The following EFHD1 variants were observed in gnomAD, a reference collection of about 807,000 sequenced individuals.
EFHD1 encodes EF-hand domain family member D1, also known as EF-hand domain-containing protein D1.
A neutral mutation model predicts 17.2 loss-of-function variants in EFHD1; 10 were observed. The ratio of observed to expected loss-of-function variants is 0.58; its 90% CI spans 0.36 to 0.99. The LOEUF is 0.99. Ranked by LOEUF, EFHD1 falls within the 50% of genes least tolerant of loss-of-function variation. The pLI is 0.01. For missense variants in EFHD1, 310 were observed against 327.5 expected (o/e 0.95, Z 0.41); for synonymous variants, 153 against 142.0 (o/e 1.08, Z -0.55).
intron 1 of EFHD1, chr2:232,661,554 C>G (rs1574726843): frequency 2.0e-5 from 3 of 148,540 alleles, no homozygotes. Context: ...ACGGCTATAC[C>G]CCCACCACCA....
intron 1 of EFHD1, among the ~76,000 whole-genome samples, chr2:232,659,566 T>A (rs1179923399): frequency 1.3e-5 from 2 of 152,162 alleles, no homozygotes; most frequent in African/African-American, 4.8e-5. Context: ...GAGCCTTAAC[T>A]ACTGCCAGTC....
At chr2:232,614,660 A>G (rs753782660) in intron 1 of EFHD1, among the ~76,000 whole-genome samples, 5 of 152,172 alleles carry the variant, frequency 3.3e-5, no homozygotes, top group Non-Finnish European at 7.3e-5. Flanking sequence ...GTGGTCTTTT[A>G]AAATGTTTTT....
At chr2:232,646,463 G>A (rs1297729697) in intron 1 of EFHD1, among the ~76,000 whole-genome samples, 1 of 8,462 alleles carries the variant, frequency 1.2e-4, no homozygotes, top group African/African-American at 3.2e-4. Context: ...TTTTTTTTTT[G>A]AGACAGTGTT....
intron 1 of EFHD1, among the ~76,000 whole-genome samples, chr2:232,610,257 G>A (rs1693788244): frequency 6.6e-6 from 1 of 152,214 alleles, no homozygotes; most frequent in Admixed American, 6.5e-5. Flanking sequence ...GGTTGGGTGT[G>A]GGAGTGCCCC....
chr2:232,672,235 A>G (rs1428382439), intron 2 of EFHD1, 74 bp from the exon 3 acceptor site: 3 of 1,597,788 alleles, frequency 1.9e-6, no homozygotes, highest in East Asian at 2.2e-5. Flanking sequence ...GAGTGACTTC[A>G]GCTTGGACCA....
chr2:232,619,439 C>T (rs1018936581), intron 1 of EFHD1, among the ~76,000 whole-genome samples: 3 of 150,978 alleles, frequency 2.0e-5, no homozygotes, highest in African/African-American at 7.3e-5. Flanking sequence ...GCCTCTGGAG[C>T]AGCTAGGATT....
intron 1 of EFHD1, among the ~76,000 whole-genome samples, chr2:232,607,333 C>T (rs1693736381): frequency 6.6e-6 from 1 of 151,554 alleles, no homozygotes; most frequent in South Asian, 2.1e-4. Context: ...GGCCTGTAAT[C>T]TCAGCACTTT....
chr2:232,662,814 G>A lies in EFHD1; in HGVS notation c.315G>A (p.Gly105=), dbSNP rs375872649. 6.3e-7 allele frequency: 1 copy of A among 1,580,648 alleles called. No individual in the cohort carries two copies. Among genetic ancestry groups the A allele is most frequent in the Non-Finnish European group, 8.6e-7 (1 of 1,166,020 alleles). ...LESMFKLYDA[G]RDGFIDLMEL... is the part of the protein sequence containing the mutation. ...TTTGACCCTGCAGGTATGACGCTGGGCGGGATGGCTTCATCGACCTGATGG... is the reference window on the plus strand; with the variant it reads ...TTTGACCCTGCAGGTATGACGCTGGACGGGATGGCTTCATCGACCTGATGG... Residue 105 remains glycine (G), a synonymous_variant, in exon 2 of 4, where the codon GGG becomes GGA. Transcript: ENST00000264059.
intron 1 of EFHD1, among the ~76,000 whole-genome samples, chr2:232,651,678 T>G (rs1035698161): frequency 6.6e-6 from 1 of 152,144 alleles, no homozygotes; most frequent in Non-Finnish European, 1.5e-5. Flanking sequence ...AAAAATTAGC[T>G]AGGCGTGGTG....
chr2:232,638,603 A>G (rs945901129), intron 1 of EFHD1: 1 of 370,556 alleles, frequency 2.7e-6, no homozygotes, highest in East Asian at 7.3e-5. Flanking sequence ...AAGGCTGGGA[A>G]TTTTCCAAAG....
At chr2:232,642,353 G>A (rs562674824) in intron 1 of EFHD1, among the ~76,000 whole-genome samples, 66 of 125,308 alleles carry the variant, frequency 5.3e-4, no homozygotes, top group African/African-American at 1.8e-3. Flanking sequence ...CAGCCTGGGC[G>A]ACAGAGTGAG....
intron 1 of EFHD1, among the ~76,000 whole-genome samples, chr2:232,644,279 T>G (rs1267617649): frequency 6.6e-6 from 1 of 152,022 alleles, no homozygotes; most frequent in Admixed American, 6.6e-5. Context: ...CCAAACCTCT[T>G]TTATTCTTTT....
rs151227117 is a variant in EFHD1 at position 232,678,614 on chromosome 2, G to A, written c.586-2971G>A. ...AGCCTGACCAACATGGAGAAACCTC[G>A]TCTCTACTAAAAAACAAAATTAGCT... On this transcript the variant is annotated intron_variant, in intron 3 of 3. Coordinates refer to ENST00000264059, the MANE Select transcript of EFHD1 (RefSeq NM_025202.4). Among the ~76,000 whole-genome samples, 186 of 151,928 alleles carry A rather than the reference G, an allele frequency of 1.2e-3. 1 individual carries two copies. The highest frequency in any genetic ancestry group is 4.3e-3 in the African/African-American group (178 of 41,440).
chr2:232,620,178 G>A (rs1574702285), intron 1 of EFHD1, among the ~76,000 whole-genome samples: 1 of 150,294 alleles, frequency 6.7e-6, no homozygotes, highest in East Asian at 2.0e-4. Context: ...CACGAGGTCA[G>A]GAGATCAAGA....
chr2:232,625,097 T>C (rs571873780), intron 1 of EFHD1, among the ~76,000 whole-genome samples: 177 of 152,258 alleles, frequency 1.2e-3, no homozygotes, highest in Non-Finnish European at 2.0e-3. Context: ...AAGGCAGGGA[T>C]TTTGTATTAT....
At chr2:232,671,360 G>T (rs1695065223) in intron 2 of EFHD1, among the ~76,000 whole-genome samples, 1 of 152,018 alleles carries the variant, frequency 6.6e-6, no homozygotes, top group East Asian at 1.9e-4. Flanking sequence ...GACCACCTGA[G>T]CCCAGGAGGT....
chr2:232,622,592 G>C lies in EFHD1; in HGVS notation c.14+16419G>C, dbSNP rs148150670. Among the ~76,000 whole-genome samples, 619 of 151,908 alleles carry C rather than the reference G, an allele frequency of 4.1e-3. 5 individuals carry two copies. Among genetic ancestry groups the C allele is most frequent in the African/African-American group, 0.014 (588 of 41,426 alleles). ...GATTTGTGTGAATCTGAACACCTTG[G>C]TGAGAGGTGAGGGAGTAATGAGTGG... is the stretch of plus-strand genomic sequence containing the variant. On this transcript the variant is annotated intron_variant, in intron 1 of 3. Transcript: ENST00000409613.
chr2:232,654,971 A>C (rs1694733537), intron 1 of EFHD1, among the ~76,000 whole-genome samples: 2 of 151,822 alleles, frequency 1.3e-5, no homozygotes, highest in South Asian at 4.2e-4. Context: ...GTCTCCTTAC[A>C]CCCAGGCTTT....
intron 1 of EFHD1, among the ~76,000 whole-genome samples, chr2:232,655,232 C>T (rs1694739129): frequency 6.6e-6 from 1 of 152,086 alleles, no homozygotes; most frequent in Admixed American, 6.6e-5. Flanking sequence ...GTTGCCCAGG[C>T]TGGACTTGAC....
Sources: allele counts gnomAD v4.1 joint callset (sites outside exome capture counted in the v4.1 genomes callset), GRCh38; gene constraint gnomAD v4.1.1; transcripts MANE v1.5; gene names NCBI Gene and HGNC (gene_info 2026-07-23, HGNC 2026-07-21).